The following HGF variants were observed in gnomAD, a reference collection of about 807,000 sequenced individuals.
The protein encoded by HGF is fibroblast-derived tumor cytotoxic factor.
A neutral mutation model predicts 111.6 loss-of-function variants in HGF; 39 were observed. That is an observed-to-expected ratio of 0.35 (90% CI 0.27 to 0.46). The LOEUF (loss-of-function observed/expected upper bound fraction) is 0.46. HGF is among the 20% of genes least tolerant of loss of function. HGF has a pLI of 1.00. For synonymous variants in HGF, 285 were observed against 294.8 expected (o/e 0.97, Z 0.34); for missense variants, 735 against 910.5 (o/e 0.81, Z 2.48).
intron 9 of HGF, among the ~76,000 whole-genome samples, chr7:81,722,222 G>C (rs964684495): frequency 2.2e-4 from 33 of 151,872 alleles, no homozygotes; most frequent in African/African-American, 7.7e-4. Flanking sequence ...CTCTTACTAT[G>C]CTCCATGAGG....
chr7:81,763,117 A>G, intron 1 of HGF: 1 of 470,188 alleles, frequency 2.1e-6, no homozygotes, highest in Non-Finnish European at 3.8e-6. Context: ...CAAATTAAGG[A>G]GCTTTTAAAA....
At chr7:81,737,253 C>T (rs1408373803) in intron 7 of HGF, among the ~76,000 whole-genome samples, 1 of 151,954 alleles carries the variant, frequency 6.6e-6, no homozygotes, top group Non-Finnish European at 1.5e-5. Context: ...CAGACCCTCC[C>T]ATCTCCCCTT....
Position 81,762,739 on chromosome 7 carries a change from A to G in HGF, c.222T>C (p.Cys74=). The part of the protein sequence containing the change: ...VNTADQCANR[C]TRNKGLPFTC... ...TGAATGGAAGTCCTTTATTCCTAGTACATCTATTAGCACATTGGTCTGCAG... is the reference window on the plus strand; with the variant it reads ...TGAATGGAAGTCCTTTATTCCTAGTGCATCTATTAGCACATTGGTCTGCAG... The change falls in exon 2 of 18, where the codon TGT becomes TGC. Residue 74 remains cysteine (C), a synonymous_variant. Coordinates refer to ENST00000222390, the MANE Select transcript of HGF (RefSeq NM_000601.6). The G allele has an allele frequency of 5.0e-6, 8 of 1,612,888 alleles. No homozygotes were observed. Among genetic ancestry groups the G allele is most frequent in the Non-Finnish European group, 6.8e-6 (8 of 1,179,030 alleles).
intron 13 of HGF, among the ~76,000 whole-genome samples, chr7:81,708,175 A>G (rs1279150118): frequency 6.6e-6 from 1 of 152,136 alleles, no homozygotes; most frequent in East Asian, 1.9e-4. Flanking sequence ...ACAGTTATTT[A>G]TGGCCTTTAC....
At chr7:81,716,689 A>G (rs375040534) in intron 11 of HGF, among the ~76,000 whole-genome samples, 5 of 152,148 alleles carry the variant, frequency 3.3e-5, no homozygotes, top group East Asian at 1.9e-4. Flanking sequence ...TGTTTTTTAT[A>G]TAACTTTTAC....
At chr7:81,760,236 A>C in intron 2 of HGF, among the ~76,000 whole-genome samples, 1 of 152,164 alleles carries the variant, frequency 6.6e-6, no homozygotes, top group East Asian at 1.9e-4. Context: ...TGTTGATGGC[A>C]GGAAGGCAAT....
chr7:81,753,764 T>C (rs1332183736), intron 4 of HGF, among the ~76,000 whole-genome samples: 2 of 152,010 alleles, frequency 1.3e-5, no homozygotes, highest in Non-Finnish European at 1.5e-5. Flanking sequence ...TAATAGTTAA[T>C]ATCCATACTT....
intron 7 of HGF, among the ~76,000 whole-genome samples, chr7:81,733,395 C>G (rs1430360332): frequency 6.6e-6 from 1 of 151,702 alleles, no homozygotes; most frequent in Non-Finnish European, 1.5e-5. Flanking sequence ...TATTTTTCAT[C>G]TTTTTAAAAA....
intron 9 of HGF, among the ~76,000 whole-genome samples, chr7:81,724,878 A>G (rs1190641860): frequency 6.6e-6 from 1 of 152,168 alleles, no homozygotes; most frequent in East Asian, 1.9e-4. Context: ...TTTTTGACTT[A>G]AAAATCTATT....
At chr7:81,756,973 T>C in intron 4 of HGF, 1 of 585,586 alleles carries the variant, frequency 1.7e-6, no homozygotes. Flanking sequence ...AATTGAGGCA[T>C]TAAGGTAAGA....
intron 9 of HGF, 124 bp downstream of exon 9, chr7:81,725,766 T>A: frequency 9.0e-7 from 1 of 1,112,034 alleles, no homozygotes; most frequent in Non-Finnish European, 1.4e-6. Flanking sequence ...AACTTGGTGA[T>A]TTTGTTTGCA....
intron 1 of HGF, among the ~76,000 whole-genome samples, chr7:81,769,648 G>A (rs1044547297): frequency 6.6e-6 from 1 of 152,140 alleles, no homozygotes; most frequent in African/African-American, 2.4e-5. Context: ...CGGGGCTTGG[G>A]TTGGAGGTGG....
chr7:81,730,604 AC>A (rs1787616868), intron 7 of HGF, among the ~76,000 whole-genome samples: 2 of 150,718 alleles, frequency 1.3e-5, no homozygotes, highest in African/African-American at 2.4e-5. Context: ...TGCTTACTAT[AC>A]GTCATGAAGA....
chr7:81,757,101 T>C, intron 4 of HGF, 88 bp downstream of exon 4: 1 of 775,418 alleles, frequency 1.3e-6, no homozygotes, highest in Admixed American at 1.9e-5. Flanking sequence ...TATTTTAGGA[T>C]TGTAGAATTA....
intron 5 of HGF, among the ~76,000 whole-genome samples, chr7:81,748,833 A>G (rs1788379355): frequency 6.6e-6 from 1 of 152,366 alleles, no homozygotes; most frequent in South Asian, 2.1e-4. Context: ...ATTAGAAAAC[A>G]CAGAGGATTA....
chr7:81,728,759 G>A (rs5745695), intron 8 of HGF, among the ~76,000 whole-genome samples: 111,645 of 152,140 alleles, frequency 0.73, 41,468 homozygotes, highest in Middle Eastern at 0.87. Flanking sequence ...GGGCCAACTA[G>A]TGCTCATAGC....
chr7:81,713,995 T>C (rs868364641), intron 11 of HGF, among the ~76,000 whole-genome samples: 7 of 128,380 alleles, frequency 5.5e-5, no homozygotes, highest in South Asian at 4.4e-4. Context: ...TGTGCGTGTG[T>C]GTGTGTGTGT....
At position 81,710,335 on chromosome 7, in the gene HGF, A is replaced by G. The variant is rs895878555; in HGVS notation, c.1445-92T>C. The G allele has an allele frequency of 4.8e-6, 4 of 831,416 alleles. No homozygotes were observed. In the African/African-American group the frequency reaches 6.8e-5, roughly 14 times the overall value. 51.5% of individuals were successfully genotyped at this position (831,416 alleles called of 1,614,324 possible). A position where few individuals can be genotyped will look rare whatever the true frequency, so the allele number is the denominator to read the frequency against. On this transcript the variant is annotated intron_variant, in intron 12 of 17. Coordinates refer to ENST00000222390, the MANE Select transcript of HGF (RefSeq NM_000601.6). Reference sequence around the variant, plus strand: ...TCTTAAATGCAATGATAATTACACAAATGTAACTATTCTTATTGTGTCCAA... The same window carrying G: ...TCTTAAATGCAATGATAATTACACAGATGTAACTATTCTTATTGTGTCCAA...
intron 17 of HGF, among the ~76,000 whole-genome samples, chr7:81,704,879 G>C (rs1364798585): frequency 6.6e-6 from 1 of 151,786 alleles, no homozygotes; most frequent in African/African-American, 2.4e-5. Flanking sequence ...AGCTCGTAAA[G>C]TCACAAACTT....
Sources: gnomAD v4.1 joint callset for allele counts (sites outside exome capture counted in the v4.1 genomes callset) on GRCh38, gnomAD v4.1.1 for gene constraint, MANE v1.5 for transcripts, NCBI Gene and HGNC (gene_info 2026-07-23, HGNC 2026-07-21) for gene names.